USP13: variants seen among roughly 807,000 people sequenced by gnomAD.
USP13 encodes the protein ubiquitin specific peptidase 13.
A neutral mutation model predicts 107.8 loss-of-function variants in USP13; 68 were observed. The ratio of observed to expected loss-of-function variants is 0.63; its 90% CI spans 0.52 to 0.77. USP13 has a LOEUF of 0.77. Among genes scored for constraint, USP13 ranks in the 30% least tolerant of loss-of-function variants. USP13 has a pLI of 0.00. For synonymous variants in USP13, 377 were observed against 389.5 expected, an observed-to-expected ratio of 0.97 and a Z score of 0.38; for missense variants, 945 against 1,093.3, an observed-to-expected ratio of 0.86 and a Z score of 1.91.
At chr3:179,688,170 T>TCC (rs1711955770) in intron 2 of USP13, among the ~76,000 whole-genome samples, 12 of 75,154 alleles carry the variant, frequency 1.6e-4, no homozygotes, top group African/African-American at 5.4e-4. Flanking sequence ...TCCATCCGTA[T>TCC]ATCCATCCAT....
chr3:179,678,901 GA>G lies in USP13; in HGVS notation c.169-2975del, dbSNP rs1217994158. On this transcript the variant is annotated intron_variant, in intron 1 of 20. Coordinates refer to ENST00000263966, the MANE Select transcript of USP13 (RefSeq NM_003940.3). This position sits in a 1 kb window ranked among gnomAD's most constrained non-coding sequence, Gnocchi z 4.2. ...TTCACTAGTGTGTGTAGATTCCTTA[GA>G]ATTTTCAATATGGCCTGTACTGTCA... Among the ~76,000 whole-genome samples the G allele has an allele frequency of 1.3e-5, 2 of 152,030 alleles. No homozygotes were observed. The highest frequency in any genetic ancestry group is 2.9e-5 in the Non-Finnish European group (2 of 68,008).
chr3:179,754,903 A>T, intron 15 of USP13, 49 bp downstream of exon 15: 1 of 1,539,334 alleles, frequency 6.5e-7, no homozygotes, highest in Non-Finnish European at 8.8e-7. Context: ...ACCCTGTTCT[A>T]TAGGAACAGT....
rs185305813 is a variant in USP13, at chr3:179,692,150, T to A, written c.355+1849T>A. On this transcript the variant is annotated intron_variant, in intron 3 of 20. Coordinates refer to ENST00000263966, the MANE Select transcript of USP13 (RefSeq NM_003940.3). Reference sequence around the variant, plus strand: ...ATATATAACTGGGAGATCAGAAGAGTCTGGAAGAATACTCCAAACTGTTAA... The same window carrying A: ...ATATATAACTGGGAGATCAGAAGAGACTGGAAGAATACTCCAAACTGTTAA... Among the ~76,000 whole-genome samples, 8 of 152,154 alleles carry A rather than the reference T, an allele frequency of 5.3e-5. No individual in the cohort carries two copies. In the East Asian group the frequency reaches 1.5e-3, roughly 29 times the overall value.
chr3:179,692,281 G>A (rs1285307527), intron 3 of USP13, among the ~76,000 whole-genome samples: 1 of 152,252 alleles, frequency 6.6e-6, no homozygotes, highest in African/African-American at 2.4e-5. Context: ...GTGATGAAAA[G>A]ACACATGAAT....
rs1045552394 is a variant in USP13 at position 179,742,924 on chromosome 3, A to G, written c.1534+574A>G. On this transcript the variant is annotated intron_variant, in intron 12 of 20. Transcript: ENST00000263966. This position sits in a 1 kb window ranked among gnomAD's most constrained non-coding sequence, Gnocchi z 5.0. ...CTCATGTTTGGTGCCTTCTCCTTCC[A>G]TCAGTCTAAGCTGGTTCTTCCTAGG... is the stretch of plus-strand genomic sequence containing the variant. Among the ~76,000 whole-genome samples, 6 of 152,228 alleles carry G rather than the reference A, an allele frequency of 3.9e-5. No homozygotes were observed. The highest frequency in any genetic ancestry group is 1.3e-4 in the Admixed American group (2 of 15,278).
chr3:179,737,793 G>A (rs1223570574), intron 10 of USP13, among the ~76,000 whole-genome samples: 1 of 152,152 alleles, frequency 6.6e-6, no homozygotes, highest in Non-Finnish European at 1.5e-5. Context: ...TTATCGATGC[G>A]TGTGTATGTC....
At chr3:179,728,094 C>G (rs1256245734) in intron 8 of USP13, among the ~76,000 whole-genome samples, 1 of 85,612 alleles carries the variant, frequency 1.2e-5, no homozygotes, top group African/African-American at 3.4e-5. Context: ...ACCTCCCTCC[C>G]GGACGGGGCA....
At chr3:179,773,550 G>C (rs1184268399) in intron 19 of USP13, among the ~76,000 whole-genome samples, 1 of 152,134 alleles carries the variant, frequency 6.6e-6, no homozygotes, top group East Asian at 1.9e-4. Context: ...CATTACACTT[G>C]TTAAAGCATA....
At chr3:179,707,205 T>C (rs1712752917) in intron 5 of USP13, 129 bp downstream of exon 5, 1 of 1,234,190 alleles carries the variant, frequency 8.1e-7, no homozygotes, top group Non-Finnish European at 1.1e-6. Flanking sequence ...AAAGTAAATA[T>C]AAAACTTCTC....
intron 10 of USP13, 60 bp downstream of exon 10, chr3:179,730,769 GT>G: frequency 6.6e-7 from 1 of 1,515,688 alleles, no homozygotes; most frequent in Non-Finnish European, 9.1e-7. Context: ...TAGAATGTGG[GT>G]TTCCTATGAT....
rs1364118395 is a variant in USP13, at chr3:179,787,636, G to C, written c.*3495G>C. The C allele has an allele frequency of 1.3e-5, 2 of 151,298 alleles. No homozygotes were observed. The highest frequency in any genetic ancestry group is 4.9e-5 in the African/African-American group (2 of 41,176). 9.4% of individuals were successfully genotyped at this position (151,298 alleles called of 1,614,324 possible). ...TTTTTTTTTCTTGAGATGGAGTCTC[G>C]CTGTGTTGCCAAGGCTGGAGTACAG... is the stretch of plus-strand genomic sequence containing the variant. On this transcript the variant is annotated 3_prime_UTR_variant, in exon 21 of 21. Transcript: ENST00000263966.
chr3:179,722,248 GGTTAGT>G (rs1713351999), intron 8 of USP13, among the ~76,000 whole-genome samples: 1 of 152,038 alleles, frequency 6.6e-6, no homozygotes, highest in South Asian at 2.1e-4. Context: ...TGGTAGGTCT[GGTTAGT>G]GTCTCTCTTG....
chr3:179,750,025 G>A (rs988891573), intron 13 of USP13, among the ~76,000 whole-genome samples: 11 of 152,060 alleles, frequency 7.2e-5, no homozygotes, highest in Non-Finnish European at 1.5e-4. Flanking sequence ...AGCACTTTGG[G>A]AGGCCAAGGT....
chr3:179,774,536 G>T lies in USP13; in HGVS notation c.2414-7203G>T, dbSNP rs569757248. Among the ~76,000 whole-genome samples, 37 of 152,076 alleles carry T rather than the reference G, an allele frequency of 2.4e-4. No individual in the cohort carries two copies. In the South Asian group the frequency reaches 7.5e-3, roughly 31 times the overall value. ...ACGTCTGGAGTTGTTCGTTCCTCCT[G>T]TCCGGAGTTGCTCATTCCTCCCTGT... On this transcript the variant is annotated intron_variant, in intron 19 of 20. Coordinates refer to ENST00000263966, the MANE Select transcript of USP13 (RefSeq NM_003940.3).
chr3:179,671,886 C>T (rs906041148), intron 1 of USP13, among the ~76,000 whole-genome samples: 1 of 152,136 alleles, frequency 6.6e-6, no homozygotes, highest in Admixed American at 6.6e-5. Context: ...TGTTGTGACT[C>T]CATCTACCTA....
At chr3:179,659,053 G>GT (rs1387941078) in intron 1 of USP13, among the ~76,000 whole-genome samples, 1 of 152,170 alleles carries the variant, frequency 6.6e-6, no homozygotes, top group Non-Finnish European at 1.5e-5. Flanking sequence ...CATTGGGACT[G>GT]TTTTTTAAGA....
chr3:179,703,395 C>T (rs1712602030), intron 4 of USP13, among the ~76,000 whole-genome samples: 1 of 152,154 alleles, frequency 6.6e-6, no homozygotes, highest in Non-Finnish European at 1.5e-5. Flanking sequence ...AGTGTTTTAG[C>T]ACAGAAGAAT....
chr3:179,673,195 G>A (rs148460250), intron 1 of USP13, among the ~76,000 whole-genome samples: 5 of 152,212 alleles, frequency 3.3e-5, no homozygotes, highest in Non-Finnish European at 5.9e-5. Context: ...TTGTTTAGTC[G>A]TGCCAGAGAC....
At position 179,788,562 on chromosome 3, in the gene USP13, C is replaced by T. The variant is rs896798165; in HGVS notation, c.*4421C>T. 1 of 152,112 alleles carries T rather than the reference C, an allele frequency of 6.6e-6. No homozygotes were observed. Among genetic ancestry groups the T allele is most frequent in the African/African-American group, 2.4e-5 (1 of 41,404 alleles). The allele number at this position is 152,112 out of a possible 1,614,324, so 9.4% of individuals were successfully genotyped here. A position where few individuals can be genotyped will look rare whatever the true frequency, so the allele number is the denominator to read the frequency against. ...AATTTAAAATATTTCACCAATATTT[C>T]ATATTGATAACATGCTGAAATGACA... On this transcript the variant is annotated 3_prime_UTR_variant, in exon 21 of 21. Coordinates refer to ENST00000263966, the MANE Select transcript of USP13 (RefSeq NM_003940.3).
Sources: allele counts gnomAD v4.1 joint callset (sites outside exome capture counted in the v4.1 genomes callset), GRCh38; gene constraint gnomAD v4.1.1; non-coding constraint Gnocchi (gnomAD v3.1); transcripts MANE v1.5; gene names NCBI Gene and HGNC (gene_info 2026-07-23, HGNC 2026-07-21).